SHROOM2: variants seen among roughly 807,000 people sequenced by gnomAD.
The protein encoded by SHROOM2 is shroom family member 2, also known as protein Shroom2.
Under a neutral mutation model 75.9 loss-of-function variants are expected in SHROOM2, and 33 were observed. The ratio of observed to expected loss-of-function variants is 0.43; its 90% CI spans 0.33 to 0.58. SHROOM2 has a LOEUF of 0.58. Ranked by LOEUF, SHROOM2 falls within the 20% of genes least tolerant of loss-of-function variation. The pLI, the probability that SHROOM2 is intolerant of heterozygous loss-of-function variation, is 0.04. For missense variants in SHROOM2, 1,434 were observed against 1,461.2 expected, an observed-to-expected ratio of 0.98 and a Z score of 0.30; for synonymous variants, 655 against 663.6, an observed-to-expected ratio of 0.99 and a Z score of 0.20.
intron 1 of SHROOM2, among the ~76,000 whole-genome samples, chrX:9,852,071 C>T (rs754217461): frequency 9.0e-6 from 1 of 111,372 alleles, no homozygotes; most frequent in East Asian, 2.8e-4. Context: ...AGGGCACGCT[C>T]GTTAAAAGCA....
At chrX:9,833,645 T>TGTGTGC (rs989151309) in intron 1 of SHROOM2, among the ~76,000 whole-genome samples, 10 of 100,085 alleles carry the variant, frequency 1.0e-4, no homozygotes, top group African/African-American at 2.8e-4. Flanking sequence ...TGTGTGTGTG[T>TGTGTGC]GCATGCACGT....
chrX:9,841,019 G>C (rs905054522), intron 1 of SHROOM2, among the ~76,000 whole-genome samples: 13 of 111,822 alleles, frequency 1.2e-4, no homozygotes, highest in East Asian at 2.8e-4. Flanking sequence ...GCAATGGCGC[G>C]ATCTTGGCTC....
At chrX:9,792,119 T>C (rs1170836556) in intron 1 of SHROOM2, among the ~76,000 whole-genome samples, 1 of 20,447 alleles carries the variant, frequency 4.9e-5, no homozygotes, top group Non-Finnish European at 1.2e-4. Flanking sequence ...TAGAATAGAA[T>C]AGAATAGAAT....
At chrX:9,918,805 A>C (rs1048262795) in intron 5 of SHROOM2, among the ~76,000 whole-genome samples, 4 of 111,904 alleles carry the variant, frequency 3.6e-5, no homozygotes, top group Non-Finnish European at 7.5e-5. Context: ...GCTTCTTATG[A>C]GGGTACTCAT....
At chrX:9,867,485 C>T (rs943534388) in intron 1 of SHROOM2, among the ~76,000 whole-genome samples, 2 of 111,574 alleles carry the variant, frequency 1.8e-5, no homozygotes, top group Non-Finnish European at 3.8e-5. Flanking sequence ...TCTGGCACTC[C>T]ACAGACATTA....
At chrX:9,897,779 C>G (rs1183633428) in intron 4 of SHROOM2, among the ~76,000 whole-genome samples, 1 of 110,483 alleles carries the variant, frequency 9.1e-6, no homozygotes, top group Non-Finnish European at 1.9e-5. Context: ...GGCGTCCCAG[C>G]CCTGAAAATC....
At chrX:9,787,210 C>T (rs1316474299) in intron 1 of SHROOM2, among the ~76,000 whole-genome samples, 1 of 112,397 alleles carries the variant, frequency 8.9e-6, no homozygotes, top group Non-Finnish European at 1.9e-5. Context: ...CTTTCGGCTT[C>T]CAGTCCCAGA....
At chrX:9,916,770 T>C (rs1324135624) in intron 5 of SHROOM2, among the ~76,000 whole-genome samples, 1 of 112,393 alleles carries the variant, frequency 8.9e-6, no homozygotes, top group African/African-American at 3.2e-5. Flanking sequence ...GTGTTCATTT[T>C]CCTACTGAAG....
At chrX:9,872,877 A>G (rs1372042242) in intron 1 of SHROOM2, among the ~76,000 whole-genome samples, 4 of 112,388 alleles carry the variant, frequency 3.6e-5, no homozygotes, top group African/African-American at 1.3e-4. Flanking sequence ...TCCACTTTAT[A>G]ATAGCCAAAA....
intron 1 of SHROOM2, among the ~76,000 whole-genome samples, chrX:9,811,520 CA>C (rs886327824): frequency 3.6e-5 from 4 of 112,106 alleles, no homozygotes; most frequent in Admixed American, 2.8e-4. Flanking sequence ...CCACATACCT[CA>C]TCCCCGAATT....
At chrX:9,855,072 TA>T (rs1161845672) in intron 1 of SHROOM2, among the ~76,000 whole-genome samples, 4,829 of 94,378 alleles carry the variant, frequency 0.051, 257 homozygotes, top group African/African-American at 0.16. Context: ...CCACTCTTTT[TA>T]AAAAAAAAAA....
At chrX:9,795,613 C>T (rs757844339) in intron 1 of SHROOM2, among the ~76,000 whole-genome samples, 6 of 111,208 alleles carry the variant, frequency 5.4e-5, no homozygotes, top group Admixed American at 9.6e-5. Context: ...GCTCCTTGGC[C>T]GTCTGCTGGT....
At chrX:9,881,068 C>T (rs1338942489) in intron 2 of SHROOM2, among the ~76,000 whole-genome samples, 1 of 111,249 alleles carries the variant, frequency 9.0e-6, no homozygotes, top group African/African-American at 3.3e-5. Context: ...GTAGTCATGA[C>T]AGCATTGATG....
intron 5 of SHROOM2, among the ~76,000 whole-genome samples, chrX:9,899,967 G>A (rs1238083136): frequency 8.9e-6 from 1 of 111,952 alleles, no homozygotes; most frequent in Non-Finnish European, 1.9e-5. Context: ...TGGTGAGAGT[G>A]TATAGCTCTG....
chrX:9,894,991 G>T lies in SHROOM2; in HGVS notation c.1083G>T (p.Arg361=). The stretch of plus-strand genomic sequence containing the variant: ...CCCAGGCTCAGCCTCGTGGTGACCG[G>T]AGACCAGAGCTCACCGATCGGCCTT... ...ALAQAQPRGD[R]RPELTDRPWR... Residue 361 remains arginine (R), a synonymous_variant, in exon 4 of 10, where the codon CGG becomes CGT. Transcript: ENST00000380913. 3.3e-6 allele frequency: 4 copies of T among 1,210,806 alleles called. No homozygotes were observed. The highest frequency in any genetic ancestry group is 4.5e-6 in the Non-Finnish European group (4 of 895,202).
chrX:9,831,990 C>T (rs1432362708), intron 1 of SHROOM2, among the ~76,000 whole-genome samples: 2 of 111,824 alleles, frequency 1.8e-5, no homozygotes, highest in Admixed American at 9.4e-5. Flanking sequence ...CTGTAGCACA[C>T]GCCAGTTAGG....
chrX:9,815,434 ATGTGTGTG>A (rs56223508), intron 1 of SHROOM2, among the ~76,000 whole-genome samples: 4,901 of 88,637 alleles, frequency 0.055, 160 homozygotes, highest in Admixed American at 0.09. Flanking sequence ...TATACATATT[ATGTGTGTG>A]TGTGTGTGTG....
intron 1 of SHROOM2, among the ~76,000 whole-genome samples, chrX:9,843,664 G>A (rs1438149651): frequency 8.9e-6 from 1 of 112,628 alleles, no homozygotes; most frequent in Non-Finnish European, 1.9e-5. Flanking sequence ...GCCTCCCAAA[G>A]TGCTGGGATT....
intron 1 of SHROOM2, among the ~76,000 whole-genome samples, chrX:9,836,493 TCTCTCTTTTCTCC>T (rs1433105246): frequency 9.3e-6 from 1 of 107,650 alleles, no homozygotes; most frequent in Non-Finnish European, 1.9e-5. Context: ...CTTCTCTCTC[TCTCTCTTTTCTCC>T]CTCTCTACCC....
Sources: allele counts gnomAD v4.1 joint callset (sites outside exome capture counted in the v4.1 genomes callset), GRCh38; gene constraint gnomAD v4.1.1; transcripts MANE v1.5; gene names NCBI Gene and HGNC (gene_info 2026-07-23, HGNC 2026-07-21).